The following ASXL1 variants were observed in gnomAD, a reference collection of about 807,000 sequenced individuals.
The protein encoded by ASXL1 is ASXL transcriptional regulator 1.
Under a neutral mutation model 89.1 loss-of-function variants are expected in ASXL1, and 65 were observed. The ratio of observed to expected loss-of-function variants is 0.73; its 90% confidence interval spans 0.60 to 0.90. ASXL1 has a LOEUF of 0.90. Among genes scored for constraint, ASXL1 ranks in the 40% least tolerant of loss-of-function variants. The pLI is 0.00. For synonymous variants in ASXL1, 739 were observed against 746.9 expected, an observed-to-expected ratio of 0.99 and a Z score of 0.17; for missense variants, 1,786 against 1,942.9, an observed-to-expected ratio of 0.92 and a Z score of 1.52.
At chr20:32,382,042 A>G (rs780352186) in intron 4 of ASXL1, among the ~76,000 whole-genome samples, 4 of 133,240 alleles carry the variant, frequency 3.0e-5, no homozygotes, top group African/African-American at 5.7e-5. Context: ...GGCAACCTCC[A>G]CTTCCCGGGT....
At chr20:32,398,015 C>G (rs377264746) in intron 4 of ASXL1, among the ~76,000 whole-genome samples, 2 of 152,122 alleles carry the variant, frequency 1.3e-5, no homozygotes, top group African/African-American at 2.4e-5. Flanking sequence ...AGGGTATTTA[C>G]GTATAGATCG....
chr20:32,432,555 C>T, intron 10 of ASXL1: 1 of 334,232 alleles, frequency 3.0e-6, no homozygotes, highest in South Asian at 2.7e-5. Flanking sequence ...TCCCAGATGT[C>T]AGCCAAGGGC....
In ASXL1 at chr20:32,358,411, G is replaced by A. The variant is rs529676500; in HGVS notation, c.-365G>A. ...AAGCCGCGTCTCGCCCTCCCGCCCC[G>A]CCGTCGGTCCTGTCTCAGTCCCTCA... is the stretch of plus-strand genomic sequence containing the variant. On this transcript the variant is annotated 5_prime_UTR_variant, in exon 1 of 13. Coordinates refer to ENST00000375687, the MANE Select transcript of ASXL1 (RefSeq NM_015338.6). 6 of 234,048 alleles carry A rather than the reference G, an allele frequency of 2.6e-5. No individual in the cohort carries two copies. The highest frequency in any genetic ancestry group is 5.0e-5 in the Non-Finnish European group (6 of 119,358). 14.5% of individuals were successfully genotyped at this position (234,048 alleles called of 1,614,324 possible).
intron 4 of ASXL1, among the ~76,000 whole-genome samples, chr20:32,421,872 T>TC (rs1245965702): frequency 1.6e-4 from 22 of 141,226 alleles, no homozygotes; most frequent in Non-Finnish European, 2.9e-4. Context: ...TTTTCTTTTT[T>TC]TTTTTTTTTT....
At chr20:32,432,760 C>A in intron 10 of ASXL1, 120 bp from the exon 11 acceptor site, 1 of 1,242,382 alleles carries the variant, frequency 8.0e-7, no homozygotes, top group Non-Finnish European at 1.1e-6. Context: ...CCTATAAGAG[C>A]ATGATGTGAG....
intron 10 of ASXL1, 136 bp from the exon 11 acceptor site, chr20:32,432,744 T>G: frequency 9.1e-7 from 1 of 1,093,512 alleles, no homozygotes; most frequent in Admixed American, 2.1e-5. Context: ...ATGTGTTAGC[T>G]CTGTCCCTAT....
intron 1 of ASXL1, chr20:32,359,834 A>G (rs1277289745): frequency 2.8e-6 from 2 of 717,580 alleles, no homozygotes; most frequent in Admixed American, 2.0e-5. Context: ...AAGCTCAGAC[A>G]CTTTGAGACA....
intron 3 of ASXL1, 85 bp downstream of exon 3, chr20:32,367,814 A>G: frequency 3.9e-6 from 3 of 775,594 alleles, no homozygotes; most frequent in Non-Finnish European, 4.8e-6. Context: ...TGAAGCAGTC[A>G]TGATGGCTCA....
intron 4 of ASXL1, among the ~76,000 whole-genome samples, chr20:32,415,544 T>C (rs2049124237): frequency 6.6e-6 from 1 of 152,222 alleles, no homozygotes; most frequent in African/African-American, 2.4e-5. Context: ...ACAGTTCTCC[T>C]GTTCTCAGCC....
intron 3 of ASXL1, among the ~76,000 whole-genome samples, chr20:32,368,762 A>G (rs1033114241): frequency 4.6e-5 from 7 of 152,330 alleles, no homozygotes; most frequent in African/African-American, 1.7e-4. Flanking sequence ...TTATATTGTC[A>G]AAAAGCACTG....
At chr20:32,374,847 C>CAT (rs980047516) in intron 4 of ASXL1, among the ~76,000 whole-genome samples, 107 of 152,048 alleles carry the variant, frequency 7.0e-4, no homozygotes, top group East Asian at 1.2e-3. Flanking sequence ...GTGTTAAATA[C>CAT]ATATATATAT....
At chr20:32,386,441 A>C (rs2122961989) in intron 4 of ASXL1, among the ~76,000 whole-genome samples, 1 of 151,456 alleles carries the variant, frequency 6.6e-6, no homozygotes, top group African/African-American at 2.4e-5. Flanking sequence ...TTTTTGAGAC[A>C]GAGTCTTGTT....
intron 4 of ASXL1, among the ~76,000 whole-genome samples, chr20:32,396,957 C>T (rs531006983): frequency 6.7e-6 from 1 of 149,756 alleles, no homozygotes; most frequent in South Asian, 2.1e-4. Context: ...ATAAAATACA[C>T]TAATGATAGC....
At position 32,436,682 on chromosome 20, in the gene ASXL1, C is replaced by A; in HGVS notation, c.3970C>A (p.Pro1324Thr). The A allele has an allele frequency of 1.2e-6, 2 of 1,614,008 alleles. No individual in the cohort carries two copies. The highest frequency in any genetic ancestry group is 1.7e-6 in the Non-Finnish European group (2 of 1,180,034). ...GCGCCCCAGGCCTGCGGACCCGATG[C>A]CTCTTCCTGCTGAGATCCCTCCAGT... The part of the protein sequence containing the change: ...LQRPRPADPM[P>T]LPAEIPPVFP... Residue 1324 changes from proline to threonine, a missense_variant, in exon 13 of 13, where the codon CCT (proline) becomes ACT (threonine). Transcript: ENST00000375687.
rs71338437 is a variant in ASXL1, at chr20:32,418,809, C to CTTTTTTTTTTTT, written c.253-9289_253-9278dup. Among the ~76,000 whole-genome samples the CTTTTTTTTTTTT allele has an allele frequency of 3.2e-4, 18 of 55,748 alleles. 2 individuals are homozygous for CTTTTTTTTTTTT. The highest frequency in any genetic ancestry group is 6.8e-4 in the East Asian group (1 of 1,462). 36.6% of individuals were successfully genotyped at this position (55,748 alleles called of 152,430 possible). A position where few individuals can be genotyped will look rare whatever the true frequency, so the allele number is the denominator to read the frequency against. On this transcript the variant is annotated intron_variant, in intron 4 of 12. Coordinates refer to ENST00000375687, the MANE Select transcript of ASXL1 (RefSeq NM_015338.6). Reference sequence around the variant, plus strand: ...AAATCAAAATGGGAAGAATTGACATCTTTTTTTTTTTTTTTTTTTTTTTTT... The same window carrying CTTTTTTTTTTTT: ...AAATCAAAATGGGAAGAATTGACATCTTTTTTTTTTTTTTTTTTTTTTTTTTTTTTTTTTTTT...
chr20:32,377,263 G>A (rs1485132785), intron 4 of ASXL1, among the ~76,000 whole-genome samples: 1 of 148,848 alleles, frequency 6.7e-6, no homozygotes, highest in Admixed American at 6.9e-5. Context: ...TGGGATTACA[G>A]GCGTGAGCCA....
rs2123215646 is a variant in ASXL1, at chr20:32,429,021, G to C, written c.472-317G>C. 2.5e-6 allele frequency: 1 copy of C among 392,738 alleles called. No homozygotes were observed. Among genetic ancestry groups the C allele is most frequent in the Non-Finnish European group, 4.9e-6 (1 of 205,734 alleles). 24.3% of individuals were successfully genotyped at this position (392,738 alleles called of 1,614,324 possible). On this transcript the variant is annotated intron_variant, in intron 6 of 12. Transcript: ENST00000375687. The surrounding 1 kb of genome is among the most constrained non-coding windows in gnomAD (Gnocchi z 4.9). ...TTCAGGGAGAAGTGTGGTTAGTGCA[G>C]AGTAGAGAGAACAGGAGATTGGGAG...
chr20:32,411,954 T>TA lies in ASXL1; in HGVS notation c.253-16173dup, dbSNP rs796757126. ...TGTACTCCAGCTTTTGTGTCCTTTT[T>TA]ATGTGTTTTCCTCATTCCTGAACAC... On this transcript the variant is annotated intron_variant, in intron 4 of 12. Coordinates refer to ENST00000375687, the MANE Select transcript of ASXL1 (RefSeq NM_015338.6). Among the ~76,000 whole-genome samples the TA allele has an allele frequency of 4.6e-5, 7 of 152,324 alleles. No individual in the cohort carries two copies. In the East Asian group the frequency reaches 1.3e-3, roughly 29 times the overall value.
intron 4 of ASXL1, among the ~76,000 whole-genome samples, chr20:32,375,157 G>T (rs552951022): frequency 5.3e-5 from 8 of 152,168 alleles, no homozygotes; most frequent in Admixed American, 3.9e-4. Flanking sequence ...GAGCACTTTA[G>T]ATAGTATGTC....
Sources: allele counts gnomAD v4.1 joint callset (sites outside exome capture counted in the v4.1 genomes callset), GRCh38; gene constraint gnomAD v4.1.1; non-coding constraint Gnocchi (gnomAD v3.1); transcripts MANE v1.5; gene names NCBI Gene and HGNC (gene_info 2026-07-23, HGNC 2026-07-21).